The following PCDHGA9 variants were observed in gnomAD, a reference collection of about 807,000 sequenced individuals.
The protein encoded by PCDHGA9 is protocadherin gamma subfamily A, 9.
Under a neutral mutation model 62.5 loss-of-function variants are expected in PCDHGA9, and 37 were observed. That is an observed-to-expected ratio of 0.59 (90% CI 0.46 to 0.78). The LOEUF is 0.78. Ranked by LOEUF, PCDHGA9 falls within the 30% of genes least tolerant of loss-of-function variation. PCDHGA9 has a pLI of 0.00. For missense variants in PCDHGA9, 1,138 were observed against 1,166.2 expected (o/e 0.98, Z 0.35); for synonymous variants, 459 against 484.6 (o/e 0.95, Z 0.69).
chr5:141,428,119 C>CCGGGCTTTTCAGCCTGGGGCTGCACA, intron 1 of PCDHGA9: 1 of 1,606,630 alleles, frequency 6.2e-7, no homozygotes, highest in Non-Finnish European at 8.5e-7. Context: ...GCCATCGAGC[C>CCGGGCTTTTCAGCCTGGGGCTGCACA]CGGGCTTTTC....
At chr5:141,426,665 T>A in intron 1 of PCDHGA9, 1 of 429,940 alleles carries the variant, frequency 2.3e-6, no homozygotes, top group South Asian at 1.6e-5. Context: ...ATATAAATGA[T>A]AACCCACCTC....
intron 3 of PCDHGA9, 157 bp downstream of exon 3, chr5:141,505,638 T>C: frequency 1.0e-6 from 1 of 968,044 alleles, no homozygotes; most frequent in Non-Finnish European, 1.2e-6. Context: ...ACATAAAGCC[T>C]GGAATTGTGG....
In PCDHGA9 at chr5:141,422,662, G is replaced by A. The variant is rs771844166; in HGVS notation, c.2424+17286G>A. On this transcript the variant is annotated intron_variant, in intron 1 of 3. Transcript: ENST00000573521. Reference sequence around the variant, plus strand: ...CTCCATCTTCTCAGTGACCGCCCTCGACCCGGACAGCAAACAGAATGCCCT... The same window carrying A: ...CTCCATCTTCTCAGTGACCGCCCTCAACCCGGACAGCAAACAGAATGCCCT... 4 of 1,608,410 alleles carry A rather than the reference G, an allele frequency of 2.5e-6. No individual in the cohort carries two copies. In the South Asian group the frequency reaches 3.3e-5, roughly 13 times the overall value.
chr5:141,434,889 A>C (rs1213631251), intron 1 of PCDHGA9, among the ~76,000 whole-genome samples: 2 of 151,512 alleles, frequency 1.3e-5, no homozygotes, highest in African/African-American at 4.8e-5. Context: ...ACAACAATCC[A>C]GTCCCCTTCC....
At chr5:141,455,789 G>A (rs966897617) in intron 1 of PCDHGA9, among the ~76,000 whole-genome samples, 56 of 152,058 alleles carry the variant, frequency 3.7e-4, no homozygotes, top group African/African-American at 1.3e-3. Context: ...AACTTTTCCG[G>A]AGATGCTTTA....
chr5:141,433,397 A>ATCTATCTATCTG (rs2097600396), intron 1 of PCDHGA9, among the ~76,000 whole-genome samples: 2 of 150,410 alleles, frequency 1.3e-5, no homozygotes, highest in African/African-American at 2.5e-5. Flanking sequence ...CTATCTATCT[A>ATCTATCTATCTG]TCTATCTATT....
intron 1 of PCDHGA9, among the ~76,000 whole-genome samples, chr5:141,460,724 A>G (rs1294708205): frequency 6.6e-6 from 1 of 152,114 alleles, no homozygotes; most frequent in Non-Finnish European, 1.5e-5. Flanking sequence ...TGTTATAAGC[A>G]TATATACACA....
chr5:141,450,931 T>G (rs571428678), intron 1 of PCDHGA9, among the ~76,000 whole-genome samples: 2 of 151,650 alleles, frequency 1.3e-5, no homozygotes, highest in African/African-American at 4.8e-5. Flanking sequence ...TTCAAGCAAT[T>G]CTCCTACCTC....
At chr5:141,419,770 G>C in intron 1 of PCDHGA9, 1 of 1,614,006 alleles carries the variant, frequency 6.2e-7, no homozygotes, top group Non-Finnish European at 8.5e-7. Context: ...ACAAGGACTC[G>C]GTCCGCCAGC....
At chr5:141,484,891 C>T in intron 1 of PCDHGA9, 1 of 361,788 alleles carries the variant, frequency 2.8e-6, no homozygotes, top group Non-Finnish European at 5.0e-6. Context: ...GGGCTTTTTC[C>T]CCTCCAATGC....
At chr5:141,463,682 G>A (rs62379195) in intron 1 of PCDHGA9, among the ~76,000 whole-genome samples, 7,165 of 151,926 alleles carry the variant, frequency 0.047, 241 homozygotes, top group Middle Eastern at 0.095. Context: ...GGATGACCTC[G>A]TGATCTGCTC....
chr5:141,419,886 G>A lies in PCDHGA9; in HGVS notation c.2424+14510G>A, dbSNP rs1195529127. ...TTGCAAGAGGTACTGCCGGATTTCA[G>A]CGACCATCCCACACCCTCTGACTCC... On this transcript the variant is annotated intron_variant, in intron 1 of 3. Transcript: ENST00000573521. 1.9e-6 allele frequency: 3 copies of A among 1,614,076 alleles called. No individual in the cohort carries two copies. In the East Asian group the frequency reaches 6.7e-5, roughly 36 times the overall value.
At chr5:141,497,101 G>A (rs1465038195) in intron 2 of PCDHGA9, among the ~76,000 whole-genome samples, 1 of 152,042 alleles carries the variant, frequency 6.6e-6, no homozygotes, top group African/African-American at 2.4e-5. Flanking sequence ...AGGCAGAACT[G>A]CTTGAACCCG....
At chr5:141,423,558 G>A (rs770532900) in intron 1 of PCDHGA9, 1 of 1,613,462 alleles carries the variant, frequency 6.2e-7, no homozygotes, top group African/African-American at 1.3e-5. Flanking sequence ...CCAACTATGG[G>A]GACACGCTCA....
rs920382925 is a variant in PCDHGA9, at chr5:141,403,073, A to G, written c.121A>G (p.Lys41Glu). ...CTACTCAGTGCCTGAAGAGACAGAAAAGGGCTATATTGTGGGCAACATCTC... is the reference window on the plus strand; with the variant it reads ...CTACTCAGTGCCTGAAGAGACAGAAGAGGGCTATATTGTGGGCAACATCTC... The part of the protein sequence containing the change: ...IRYSVPEETE[K>E]GYIVGNISKD... Residue 41 changes from lysine to glutamate, a missense_variant, in exon 1 of 4, where the codon AAG becomes GAG. Physicochemically the swap from Lys to Glu is moderately conservative, Grantham distance 56. Coordinates refer to ENST00000573521, the MANE Select transcript of PCDHGA9 (RefSeq NM_018921.3). The G allele has an allele frequency of 2.5e-6, 4 of 1,614,056 alleles. No individual in the cohort carries two copies. Among genetic ancestry groups the G allele is most frequent in the Non-Finnish European group, 3.4e-6 (4 of 1,179,908 alleles).
chr5:141,442,472 C>T (rs1032989256), intron 1 of PCDHGA9: 1 of 152,204 alleles, frequency 6.6e-6, no homozygotes, highest in Non-Finnish European at 1.5e-5. Context: ...GCAGAAAGCC[C>T]CTTGGGGAAG....
At chr5:141,455,558 G>A (rs1261373189) in intron 1 of PCDHGA9, among the ~76,000 whole-genome samples, 1 of 152,142 alleles carries the variant, frequency 6.6e-6, no homozygotes, top group East Asian at 1.9e-4. Flanking sequence ...CCGAGAAAAA[G>A]CTGGCCCTCC....
At chr5:141,409,424 G>A in intron 1 of PCDHGA9, 1 of 1,613,998 alleles carries the variant, frequency 6.2e-7, no homozygotes, top group Non-Finnish European at 8.5e-7. Context: ...GGTGACAGAT[G>A]GAGCCCTGGA....
At chr5:141,441,864 G>A in intron 1 of PCDHGA9, 3 of 344,518 alleles carry the variant, frequency 8.7e-6, no homozygotes, top group Admixed American at 4.1e-5. Context: ...TGCACGCCGC[G>A]GAGCCTGGCT....
Sources: gnomAD v4.1 joint callset for allele counts (sites outside exome capture counted in the v4.1 genomes callset) on GRCh38, gnomAD v4.1.1 for gene constraint, MANE v1.5 for transcripts, NCBI Gene and HGNC (gene_info 2026-07-23, HGNC 2026-07-21) for gene names.